Variants in UST observed in about 807,000 individuals in gnomAD.
UST encodes the protein uronyl 2-sulfotransferase.
Under a neutral mutation model 45.6 loss-of-function variants are expected in UST, and 21 were observed. The observed-to-expected ratio is 0.46, with a 90% CI of 0.33 to 0.66. The LOEUF is 0.66. Among genes scored for constraint, UST ranks in the 30% least tolerant of loss-of-function variants. The pLI is 0.02. For synonymous variants in UST, 215 were observed against 200.6 expected, an observed-to-expected ratio of 1.07 and a Z score of -0.61; for missense variants, 463 against 512.4, an observed-to-expected ratio of 0.90 and a Z score of 0.93.
chr6:148,852,546 A>G (rs1242714602), intron 1 of UST, among the ~76,000 whole-genome samples: 3 of 152,062 alleles, frequency 2.0e-5, no homozygotes, highest in African/African-American at 7.2e-5. Context: ...TTTTTACTTT[A>G]TCCATTTGTA....
chr6:149,024,476 G>A (rs1175420818), intron 7 of UST, among the ~76,000 whole-genome samples: 3 of 152,096 alleles, frequency 2.0e-5, no homozygotes, highest in Non-Finnish European at 4.4e-5. Context: ...TGGTAACATT[G>A]AAGACCAAGC....
chr6:149,019,360 T>C (rs2115019120), intron 6 of UST, 124 bp downstream of exon 6: 1 of 701,714 alleles, frequency 1.4e-6, no homozygotes, highest in South Asian at 1.7e-5. Context: ...ATTCAGTTCC[T>C]GTTTACTATT....
chr6:148,967,226 G>A (rs368088290), intron 5 of UST, among the ~76,000 whole-genome samples: 3 of 152,062 alleles, frequency 2.0e-5, no homozygotes, highest in Admixed American at 6.6e-5. Flanking sequence ...CACTGTGTTC[G>A]GGAAGGGTCT....
intron 2 of UST, among the ~76,000 whole-genome samples, chr6:148,913,421 A>ATATTTTTT (rs767723701): frequency 1.5e-5 from 1 of 66,218 alleles, no homozygotes; most frequent in Non-Finnish European, 3.1e-5. Context: ...GGGACCAAAA[A>ATATTTTTT]TCTTTTTTTT....
At chr6:148,779,133 A>G (rs868070267) in intron 1 of UST, among the ~76,000 whole-genome samples, 2 of 150,144 alleles carry the variant, frequency 1.3e-5, no homozygotes, top group Non-Finnish European at 3.0e-5. Context: ...TTTTTCAACC[A>G]GAAAGTACTA....
chr6:148,951,246 A>C lies in UST; in HGVS notation c.448-2626A>C, dbSNP rs144583417. On this transcript the variant is annotated intron_variant, in intron 3 of 7. Coordinates refer to ENST00000367463, the MANE Select transcript of UST (RefSeq NM_005715.3). ...GGGAAAGAGCTGGATCAAAGGTGGG[A>C]ATATGCCGAGCACCAGTAACCTGAA... 7.4e-3 allele frequency among the ~76,000 whole-genome samples: 1,125 copies of C among 152,284 alleles called. 16 individuals carry two copies. Among genetic ancestry groups the C allele is most frequent in the African/African-American group, 0.026 (1,071 of 41,556 alleles).
In UST at chr6:148,953,830, A is replaced by T. The variant is rs757616942; in HGVS notation, c.448-42A>T. 5 of 1,281,492 alleles carry T rather than the reference A, an allele frequency of 3.9e-6. No individual in the cohort carries two copies. In the Admixed American group the frequency reaches 7.7e-5, roughly 20 times the overall value. 79.4% of individuals were successfully genotyped at this position (1,281,492 alleles called of 1,614,324 possible). A position where few individuals can be genotyped will look rare whatever the true frequency, so the allele number is the denominator to read the frequency against. On this transcript the variant is annotated intron_variant, in intron 3 of 7. Transcript: ENST00000367463. ...AACCTTTAACTTAATATGGCTTGGT[A>T]AATTAGATCCTATATATGCTAATTT...
chr6:149,047,004 A>T (rs1453936846), intron 7 of UST, among the ~76,000 whole-genome samples: 1 of 151,956 alleles, frequency 6.6e-6, no homozygotes, highest in Non-Finnish European at 1.5e-5. Flanking sequence ...AAGAGGAACG[A>T]TTTTCCTTGT....
chr6:148,961,040 A>G (rs1347768901), intron 4 of UST, among the ~76,000 whole-genome samples: 1 of 152,198 alleles, frequency 6.6e-6, no homozygotes, highest in Non-Finnish European at 1.5e-5. Flanking sequence ...GTGTTCGGAA[A>G]TGCCTCTCAG....
At chr6:149,020,878 A>T (rs954249003) in intron 6 of UST, among the ~76,000 whole-genome samples, 2 of 152,236 alleles carry the variant, frequency 1.3e-5, no homozygotes, top group Non-Finnish European at 2.9e-5. Context: ...AATAGGCATG[A>T]CCTGACAGCT....
At chr6:148,855,718 A>C (rs1328637886) in intron 1 of UST, among the ~76,000 whole-genome samples, 1 of 152,170 alleles carries the variant, frequency 6.6e-6, no homozygotes, top group Non-Finnish European at 1.5e-5. Flanking sequence ...TTTGCTCACT[A>C]ATGTTCATAA....
intron 1 of UST, among the ~76,000 whole-genome samples, chr6:148,831,177 C>T (rs898503562): frequency 2.0e-5 from 3 of 152,150 alleles, no homozygotes; most frequent in Non-Finnish European, 2.9e-5. Context: ...TTTCGTCTTT[C>T]TCACAGACTA....
At chr6:148,779,939 A>G (rs1285628850) in intron 1 of UST, among the ~76,000 whole-genome samples, 2 of 152,100 alleles carry the variant, frequency 1.3e-5, no homozygotes, top group East Asian at 1.9e-4. Flanking sequence ...CTCAGCAGAA[A>G]GACTTTGTGA....
At chr6:148,947,806 CAA>C (rs776787636) in intron 3 of UST, among the ~76,000 whole-genome samples, 51 of 152,112 alleles carry the variant, frequency 3.4e-4, no homozygotes, top group Non-Finnish European at 7.1e-4. Flanking sequence ...AGAGTCAAAC[CAA>C]AGAGAGGAGC....
chr6:149,022,159 A>C (rs1342313342), intron 7 of UST, among the ~76,000 whole-genome samples: 1 of 152,236 alleles, frequency 6.6e-6, no homozygotes, highest in East Asian at 1.9e-4. Flanking sequence ...TTTTATCCAA[A>C]GAGAAAGACA....
chr6:148,993,956 CTT>C (rs57552256), intron 5 of UST, among the ~76,000 whole-genome samples: 46 of 95,348 alleles, frequency 4.8e-4, no homozygotes, highest in African/African-American at 2.1e-3. Flanking sequence ...TATTTCTTTC[CTT>C]TTTTTTTTTT....
intron 2 of UST, among the ~76,000 whole-genome samples, chr6:148,913,423 C>CT (rs34110477): frequency 0.024 from 1,938 of 79,668 alleles, 192 homozygotes; most frequent in African/African-American, 0.089. Flanking sequence ...GACCAAAAAT[C>CT]TTTTTTTTTT....
At chr6:148,757,242 C>T (rs1776117305) in intron 1 of UST, among the ~76,000 whole-genome samples, 1 of 152,212 alleles carries the variant, frequency 6.6e-6, no homozygotes, top group African/African-American at 2.4e-5. Context: ...TTTTAGAGCT[C>T]TCTCTGTAAT....
intron 5 of UST, among the ~76,000 whole-genome samples, chr6:149,001,176 A>G (rs533025981): frequency 6.7e-6 from 1 of 150,292 alleles, no homozygotes; most frequent in South Asian, 2.1e-4. Context: ...GGTTCATGCC[A>G]TTCTCCTGCG....
Sources: allele counts gnomAD v4.1 joint callset (sites outside exome capture counted in the v4.1 genomes callset), GRCh38; gene constraint gnomAD v4.1.1; transcripts MANE v1.5; gene names NCBI Gene and HGNC (gene_info 2026-07-23, HGNC 2026-07-21).